The following RAB12 variants were observed in gnomAD, a reference collection of about 807,000 sequenced individuals.
RAB12 encodes ras-related protein Rab-12.
In RAB12, 11 loss-of-function variants were observed where a neutral mutation model predicts 28.4. The ratio of observed to expected loss-of-function variants is 0.39; its 90% CI spans 0.24 to 0.64. The LOEUF (loss-of-function observed/expected upper bound fraction) is 0.64, where lower values mean the gene tolerates loss of function less well. Ranked by LOEUF, RAB12 falls within the 30% of genes least tolerant of loss-of-function variation. The pLI, the probability that RAB12 is intolerant of heterozygous loss-of-function variation, is 0.50. For synonymous variants in RAB12, 138 were observed against 145.3 expected, an observed-to-expected ratio of 0.95 and a Z score of 0.36; for missense variants, 276 against 351.1, an observed-to-expected ratio of 0.79 and a Z score of 1.71.
At position 8,635,574 on chromosome 18, in the gene RAB12, G is replaced by A. The variant is rs774675985; in HGVS notation, c.756G>A (p.Lys252=). 3.1e-6 allele frequency: 5 copies of A among 1,612,772 alleles called. No homozygotes were observed. The East Asian group carries it at 8.9e-5, about 29-fold the overall frequency. ...EDAELLLVGN[K]LDCETDREIT... ...CAGAGCTTCTCTTAGTTGGAAATAAGTTGGACTGTGAAACGGACAGAGAAA... is the reference window on the plus strand; with the variant it reads ...CAGAGCTTCTCTTAGTTGGAAATAAATTGGACTGTGAAACGGACAGAGAAA... Residue 252 remains lysine, a synonymous_variant, in exon 4 of 6, where the codon AAG becomes AAA. Transcript: ENST00000649141.
chr18:8,623,578 C>G (rs892678370), intron 1 of RAB12, among the ~76,000 whole-genome samples: 3 of 152,234 alleles, frequency 2.0e-5, no homozygotes, highest in Non-Finnish European at 4.4e-5. Flanking sequence ...AGTTTCCTTG[C>G]AGCTGAGTGT....
At chr18:8,617,349 C>G (rs925446939) in intron 1 of RAB12, among the ~76,000 whole-genome samples, 1 of 152,014 alleles carries the variant, frequency 6.6e-6, no homozygotes, top group African/African-American at 2.4e-5. Flanking sequence ...AAAACATAAT[C>G]TGTTTGACAG....
chr18:8,623,541 G>A (rs373989006), intron 1 of RAB12, among the ~76,000 whole-genome samples: 40 of 152,354 alleles, frequency 2.6e-4, no homozygotes, highest in African/African-American at 8.4e-4. Context: ...TATTTTGTGC[G>A]TCTTGTGTAG....
chr18:8,616,835 A>G (rs936688114), intron 1 of RAB12, among the ~76,000 whole-genome samples: 3 of 151,912 alleles, frequency 2.0e-5, no homozygotes, highest in African/African-American at 7.3e-5. Context: ...AGGCTGAGGC[A>G]GGAGGATCAC....
At chr18:8,615,039 G>T (rs1447114935) in intron 1 of RAB12, among the ~76,000 whole-genome samples, 3 of 152,192 alleles carry the variant, frequency 2.0e-5, no homozygotes, top group Non-Finnish European at 4.4e-5. Context: ...CTCCCCTCTA[G>T]CCTGTGTTGA....
At chr18:8,624,225 A>G (rs2148708941) in intron 1 of RAB12, among the ~76,000 whole-genome samples, 1 of 152,370 alleles carries the variant, frequency 6.6e-6, no homozygotes, top group African/African-American at 2.4e-5. Flanking sequence ...TTGTTGTGAA[A>G]TATTTACATT....
chr18:8,611,184 G>A (rs773128682), intron 1 of RAB12, among the ~76,000 whole-genome samples: 1 of 152,170 alleles, frequency 6.6e-6, no homozygotes, highest in Non-Finnish European at 1.5e-5. Flanking sequence ...ATTAAAATGA[G>A]TAGCATAACT....
At position 8,635,635 on chromosome 18, in the gene RAB12, G is replaced by A. The variant is rs2096018459; in HGVS notation, c.804+13G>A. On this transcript the variant is annotated intron_variant, in intron 4 of 5. Transcript: ENST00000649141. ...GCAGGGGGAAAAGGTGAGAGGGCGT[G>A]GGAGGCACGGTTGCCACACACTGTG... 8.2e-6 allele frequency: 13 copies of A among 1,585,258 alleles called. No homozygotes were observed. The East Asian group carries it at 2.9e-4, about 36-fold the overall frequency.
intron 5 of RAB12, among the ~76,000 whole-genome samples, chr18:8,637,612 C>T (rs1329685236): frequency 6.6e-6 from 1 of 151,976 alleles, no homozygotes; most frequent in Non-Finnish European, 1.5e-5. Flanking sequence ...AAAGCATTTA[C>T]AGTTGACCCT....
chr18:8,632,634 G>A (rs923768039), intron 2 of RAB12, among the ~76,000 whole-genome samples: 1 of 152,160 alleles, frequency 6.6e-6, no homozygotes, highest in Admixed American at 6.5e-5. Flanking sequence ...GGCTTGGAGG[G>A]CATTCATTTT....
chr18:8,633,773 G>T (rs900937670), intron 3 of RAB12, among the ~76,000 whole-genome samples: 5 of 152,278 alleles, frequency 3.3e-5, no homozygotes, highest in Non-Finnish European at 7.4e-5. Context: ...AATTATAGAT[G>T]CCCTTTAGCT....
chr18:8,614,520 A>AAG (rs369461725), intron 1 of RAB12, among the ~76,000 whole-genome samples: 18,876 of 127,444 alleles, frequency 0.15, 1,524 homozygotes, highest in South Asian at 0.22. Flanking sequence ...AAAAAAAAAG[A>AAG]AAAAAAAAAG....
chr18:8,629,300 C>T (rs2096014591), intron 2 of RAB12, among the ~76,000 whole-genome samples: 1 of 152,230 alleles, frequency 6.6e-6, no homozygotes, highest in Non-Finnish European at 1.5e-5. Context: ...CAAATGGTAT[C>T]TAACTCTGTT....
rs2096002675 is a variant in RAB12 at position 8,609,814 on chromosome 18, C to T, written c.375C>T (p.Gly125=). 8 of 1,489,052 alleles carry T rather than the reference C, an allele frequency of 5.4e-6. No individual in the cohort carries two copies. Among genetic ancestry groups the T allele is most frequent in the Non-Finnish European group, 7.1e-6 (8 of 1,120,972 alleles). The allele number at this position is 1,489,052 out of a possible 1,614,324, so 92.2% of individuals were successfully genotyped here. The stretch of plus-strand genomic sequence containing the variant: ...CCCCGGCGCTGTCGGGCGGCCAGGG[C>T]CGCCGGAGGAAGCAGCCCCCCAGGC... ...AGSPALSGGQ[G]RRRKQPPRPA... is the part of the protein sequence containing the mutation. Residue 125 remains glycine (G), a synonymous_variant, in exon 1 of 6, where the codon GGC becomes GGT. Coordinates refer to ENST00000649141, the MANE Select transcript of RAB12 (RefSeq NM_001025300.3).
At chr18:8,635,666 C>A (rs769370174) in intron 4 of RAB12, 44 bp downstream of exon 4, 1 of 1,209,888 alleles carries the variant, frequency 8.3e-7, no homozygotes, top group South Asian at 1.4e-5. Context: ...CTGTGCTTAG[C>A]GCTTGAGGTA....
In RAB12 at chr18:8,639,121, TATTCTGATTAAGCCTAGACTGTGTTC is replaced by T. The variant is rs2096020689; in HGVS notation, c.*860_*885del. 6.9e-6 allele frequency: 1 copy of T among 144,278 alleles called. No homozygotes were observed. Among genetic ancestry groups the T allele is most frequent in the South Asian group, 2.2e-4 (1 of 4,466 alleles). The allele number at this position is 144,278 out of a possible 1,614,324, so 8.9% of individuals were successfully genotyped here. The stretch of plus-strand genomic sequence containing the variant: ...CTTCCCCCTTCTTTACGGTGAAGCT[TATTCTGATTAAGCCTAGACTGTGTTC>T]TTTTTTTTTTTTTTTTTTTTTTTTT... On this transcript the variant is annotated 3_prime_UTR_variant, in exon 6 of 6. Transcript: ENST00000649141.
chr18:8,610,857 C>CT (rs1440466150), intron 1 of RAB12, among the ~76,000 whole-genome samples: 2 of 152,130 alleles, frequency 1.3e-5, no homozygotes, highest in Non-Finnish European at 2.9e-5. Flanking sequence ...GTCCAAGAAA[C>CT]TGAGTAGTCA....
rs2096018588 is a variant in RAB12 at position 8,635,848 on chromosome 18, C to T, written c.804+226C>T. 5 of 478,366 alleles carry T rather than the reference C, an allele frequency of 1.0e-5. No individual in the cohort carries two copies. In the East Asian group the frequency reaches 1.8e-4, roughly 17 times the overall value. The allele number at this position is 478,366 out of a possible 1,614,324, so 29.6% of individuals were successfully genotyped here. On this transcript the variant is annotated intron_variant, in intron 4 of 5. Coordinates refer to ENST00000649141, the MANE Select transcript of RAB12 (RefSeq NM_001025300.3). The stretch of plus-strand genomic sequence containing the variant: ...ACATCAGTGTATACAACATTATTAT[C>T]TAACCTGACATTTTATACAGAGAAA...
In RAB12 at chr18:8,628,419, A is replaced by G. The variant is rs549917890; in HGVS notation, c.575+3421A>G. On this transcript the variant is annotated intron_variant, in intron 2 of 5. Coordinates refer to ENST00000649141, the MANE Select transcript of RAB12 (RefSeq NM_001025300.3). Reference sequence around the variant, plus strand: ...GGAATAGAAAATAAAAGCTTTCTCAACCCAAATATTTTGGGAGTGTGGAAT... The same window carrying G: ...GGAATAGAAAATAAAAGCTTTCTCAGCCCAAATATTTTGGGAGTGTGGAAT... Among the ~76,000 whole-genome samples the G allele has an allele frequency of 1.4e-4, 22 of 152,308 alleles. No individual in the cohort carries two copies. In the South Asian group the frequency reaches 1.7e-3, roughly 11 times the overall value.
Sources: gnomAD v4.1 joint callset for allele counts (sites outside exome capture counted in the v4.1 genomes callset) on GRCh38, gnomAD v4.1.1 for gene constraint, MANE v1.5 for transcripts, NCBI Gene and HGNC (gene_info 2026-07-23, HGNC 2026-07-21) for gene names.